IQSEC1: variants seen among roughly 807,000 people sequenced by gnomAD.
IQSEC1 encodes the protein IQ motif and Sec7 domain ArfGEF 1.
In IQSEC1, 31 loss-of-function variants were observed where a neutral mutation model predicts 91.0. The observed-to-expected ratio is 0.34, with a 90% CI of 0.26 to 0.46. IQSEC1 has a LOEUF of 0.46. IQSEC1 is among the 20% of genes least tolerant of loss of function. The probability of loss-of-function intolerance (pLI) is 1.00; values close to 1 mark genes in which losing one functional copy is unlikely to be tolerated. For missense variants in IQSEC1, 1,388 were observed against 1,575.6 expected (o/e 0.88, Z 2.02); for synonymous variants, 699 against 662.6 (o/e 1.05, Z -0.84).
chr3:13,239,285 C>A (rs1040823554), intron 1 of IQSEC1, among the ~76,000 whole-genome samples: 1 of 152,210 alleles, frequency 6.6e-6, no homozygotes, highest in South Asian at 2.1e-4. Context: ...GCACATAGTG[C>A]GGAATGAACT....
intron 2 of IQSEC1, among the ~76,000 whole-genome samples, chr3:13,088,029 G>C (rs998446598): frequency 6.6e-6 from 1 of 152,166 alleles, no homozygotes; most frequent in Non-Finnish European, 1.5e-5. Context: ...GGGACAAATT[G>C]AAACCACAGC....
chr3:13,092,863 C>CCGAACTTCTT (rs1705888056), intron 2 of IQSEC1, among the ~76,000 whole-genome samples: 1 of 152,200 alleles, frequency 6.6e-6, no homozygotes. Flanking sequence ...ATCTCCAAGG[C>CCGAACTTCTT]CGAACTTCTT....
intron 1 of IQSEC1, among the ~76,000 whole-genome samples, chr3:13,186,649 G>A (rs962521932): frequency 1.3e-5 from 2 of 152,160 alleles, no homozygotes; most frequent in Admixed American, 6.5e-5. Context: ...ATGCACAGAC[G>A]GGGCAGAGCT....
chr3:12,975,003 T>G (rs1701094999), intron 1 of IQSEC1, among the ~76,000 whole-genome samples: 1 of 152,252 alleles, frequency 6.6e-6, no homozygotes, highest in South Asian at 2.1e-4. Flanking sequence ...AGCCCCGCTA[T>G]GTGACCTCAC....
chr3:12,977,652 T>C (rs908570724), intron 1 of IQSEC1, among the ~76,000 whole-genome samples: 1 of 152,208 alleles, frequency 6.6e-6, no homozygotes, highest in Non-Finnish European at 1.5e-5. Flanking sequence ...AAAGAACAGC[T>C]ACCAAGGGAA....
At chr3:13,142,460 C>A (rs961949044) in intron 2 of IQSEC1, among the ~76,000 whole-genome samples, 1 of 152,186 alleles carries the variant, frequency 6.6e-6, no homozygotes, top group African/African-American at 2.4e-5. Flanking sequence ...ATGTTGGATC[C>A]CGCACAGGTG....
chr3:13,216,559 G>A (rs1694554795), intron 1 of IQSEC1, among the ~76,000 whole-genome samples: 2 of 152,214 alleles, frequency 1.3e-5, no homozygotes, highest in South Asian at 4.2e-4. Context: ...TTGCAGAGGG[G>A]AGCTGTGGCT....
At chr3:12,926,676 A>T (rs535160063) in intron 3 of IQSEC1, among the ~76,000 whole-genome samples, 89 of 152,332 alleles carry the variant, frequency 5.8e-4, no homozygotes, top group Non-Finnish European at 1.0e-3. Flanking sequence ...GGTAGAAGTC[A>T]GCATTCTTCT....
chr3:13,210,335 G>A (rs375755350), intron 1 of IQSEC1, among the ~76,000 whole-genome samples: 3 of 152,210 alleles, frequency 2.0e-5, no homozygotes, highest in East Asian at 1.9e-4. Context: ...GCTCCAGTTC[G>A]GCTTCTCATC....
intron 1 of IQSEC1, among the ~76,000 whole-genome samples, chr3:13,229,665 G>A (rs1002167738): frequency 5.3e-5 from 8 of 152,276 alleles, no homozygotes; most frequent in Admixed American, 3.3e-4. Flanking sequence ...TTCATTCTTC[G>A]TTCTTCCCCC....
chr3:13,073,290 G>A lies in IQSEC1; in HGVS notation c.-276C>T, dbSNP rs1163813196. Among the ~76,000 whole-genome samples, 1 of 152,230 alleles carries A rather than the reference G, an allele frequency of 6.6e-6. No individual in the cohort carries two copies. Among genetic ancestry groups the A allele is most frequent in the African/African-American group, 2.4e-5 (1 of 41,460 alleles). ...GGACGTCGAGTAACCGTGGTCGCCA[G>A]GCTGGGCGGGGGCGTCCACCTCGCT... On this transcript the variant is annotated 5_prime_UTR_variant, in exon 1 of 14. Transcript: ENST00000613206.
At chr3:13,034,148 G>T (rs1485662336) in intron 1 of IQSEC1, among the ~76,000 whole-genome samples, 2 of 152,194 alleles carry the variant, frequency 1.3e-5, no homozygotes, top group Non-Finnish European at 2.9e-5. Flanking sequence ...TTCAGCCTGT[G>T]ACAGGCCCTG....
intron 1 of IQSEC1, chr3:13,053,106 G>A: frequency 1.1e-6 from 1 of 916,004 alleles, no homozygotes; most frequent in Non-Finnish European, 1.8e-6. Flanking sequence ...ACTCCTGAAA[G>A]TCTTGTGAGA....
chr3:13,005,509 G>A (rs1426176115), intron 1 of IQSEC1, among the ~76,000 whole-genome samples: 6 of 151,952 alleles, frequency 3.9e-5, no homozygotes, highest in South Asian at 2.1e-4. Context: ...GGGTGACCAC[G>A]GAGGCAGGCA....
chr3:13,003,294 A>AAAT (rs1283469750), intron 1 of IQSEC1, among the ~76,000 whole-genome samples: 2 of 151,632 alleles, frequency 1.3e-5, no homozygotes, highest in Non-Finnish European at 2.9e-5. Context: ...AAAAAAAAAA[A>AAAT]AAAAAGGAAT....
intron 1 of IQSEC1, among the ~76,000 whole-genome samples, chr3:13,234,888 T>C (rs1013518798): frequency 1.3e-5 from 2 of 152,224 alleles, no homozygotes; most frequent in Non-Finnish European, 2.9e-5. Context: ...TCCCTGACTG[T>C]ACACACAGTG....
intron 1 of IQSEC1, among the ~76,000 whole-genome samples, chr3:13,012,036 G>A (rs1702905756): frequency 6.6e-6 from 1 of 152,218 alleles, no homozygotes; most frequent in Admixed American, 6.5e-5. Context: ...ACCAGAGGCT[G>A]CGGAGTGGCC....
At chr3:12,915,045 T>C in intron 8 of IQSEC1, 59 bp downstream of exon 8, 1 of 1,554,934 alleles carries the variant, frequency 6.4e-7, no homozygotes, top group Non-Finnish European at 8.7e-7. Context: ...GACTGGCTGA[T>C]GCTGGGCCTC....
At chr3:13,077,274 C>A (rs145402471), upstream of IQSEC1, among the ~76,000 whole-genome samples, 27 of 152,186 alleles carry the variant, frequency 1.8e-4, no homozygotes, top group African/African-American at 6.3e-4. Flanking sequence ...TACCCCTGAC[C>A]CACTACAAGA....
Sources: gnomAD v4.1 joint callset for allele counts (sites outside exome capture counted in the v4.1 genomes callset) on GRCh38, gnomAD v4.1.1 for gene constraint, MANE v1.5 for transcripts, NCBI Gene and HGNC (gene_info 2026-07-23, HGNC 2026-07-21) for gene names.